The following NHSL1 variants were observed in gnomAD, a reference collection of about 807,000 sequenced individuals.
The protein encoded by NHSL1 is NHS like 1, also known as NHS-like protein 1.
NHSL1 carries 48 observed loss-of-function variants against 95.0 expected under a neutral mutation model. The observed-to-expected ratio is 0.51, with a 90% CI of 0.40 to 0.64. The LOEUF (loss-of-function observed/expected upper bound fraction) is 0.64, where lower values mean the gene tolerates loss of function less well. Ranked by LOEUF, NHSL1 falls within the 30% of genes least tolerant of loss-of-function variation. NHSL1 has a pLI of 0.00. For missense variants in NHSL1, 1,971 were observed against 2,077.7 expected, an observed-to-expected ratio of 0.95 and a Z score of 1.00; for synonymous variants, 783 against 833.9, an observed-to-expected ratio of 0.94 and a Z score of 1.05.
chr6:138,503,978 C>T (rs1780824451), upstream of NHSL1, among the ~76,000 whole-genome samples: 1 of 152,006 alleles, frequency 6.6e-6, no homozygotes, highest in South Asian at 2.1e-4. Flanking sequence ...CACCTGTAAT[C>T]CCAGAGCTTT....
At chr6:138,641,067 CCCCCCTTAGTTGAGG>C (rs1247145772) in intron 1 of NHSL1, among the ~76,000 whole-genome samples, 1 of 152,194 alleles carries the variant, frequency 6.6e-6, no homozygotes, top group Non-Finnish European at 1.5e-5. Flanking sequence ...AAGATTCTTG[CCCCCCTTAGTTGAGG>C]CAGGCAGATC....
At chr6:138,533,282 C>G (rs978476481) in intron 1 of NHSL1, among the ~76,000 whole-genome samples, 1 of 152,086 alleles carries the variant, frequency 6.6e-6, no homozygotes, top group African/African-American at 2.4e-5. Flanking sequence ...TAAAAAATTA[C>G]TGCCAGGATG....
At position 138,430,573 on chromosome 6, in the gene NHSL1, G is replaced by A. The variant is rs570490536; in HGVS notation, c.3772C>T (p.Pro1258Ser). The A allele has an allele frequency of 9.1e-5, 141 of 1,550,676 alleles. 1 individual carries two copies. In the South Asian group the frequency reaches 1.5e-3, roughly 17 times the overall value. ...CCTCCCTCAAGAACCGAGGTGCCAGGGTGCGTGGCATGAGAGCCAGCTTGG... is the reference window on the plus strand; with the variant it reads ...CCTCCCTCAAGAACCGAGGTGCCAGAGTGCGTGGCATGAGAGCCAGCTTGG... Reference protein sequence around the residue: ...AAQAGSHATHPGTSVLEGGAA... With the variant: ...AAQAGSHATHSGTSVLEGGAA... Residue 1258 changes from proline to serine, a missense_variant, in exon 6 of 8, where the codon CCT (proline) becomes TCT (serine). Pro to Ser is a moderately conservative substitution (Grantham distance 74). This residue lies in a region of NHSL1 where 1,602 missense variants were observed against 1,654.5 expected (regional missense o/e 0.97). Coordinates refer to ENST00000343505, the MANE Select transcript of NHSL1 (RefSeq NM_001144060.2). This position sits in a 1 kb window ranked among gnomAD's most constrained non-coding sequence, Gnocchi z 4.7.
intron 1 of NHSL1, among the ~76,000 whole-genome samples, chr6:138,681,184 C>A (rs542277200): frequency 1.3e-5 from 2 of 152,064 alleles, no homozygotes; most frequent in South Asian, 4.2e-4. Flanking sequence ...AACAGGATAA[C>A]CCAGAAATTG....
At chr6:138,544,096 G>GT (rs1370466818) in intron 1 of NHSL1, among the ~76,000 whole-genome samples, 2 of 152,156 alleles carry the variant, frequency 1.3e-5, no homozygotes, top group African/African-American at 4.8e-5. Flanking sequence ...GTCCTACCCA[G>GT]TAACAATTCC....
intron 1 of NHSL1, among the ~76,000 whole-genome samples, chr6:138,649,131 T>G (rs72977124): frequency 1.3e-3 from 200 of 152,108 alleles, no homozygotes; most frequent in Middle Eastern, 6.8e-3. Context: ...TTAGGGTGAG[T>G]GTCAGGCTAA....
In NHSL1 at chr6:138,422,264, A is replaced by G. The variant is rs1481280522; in HGVS notation, c.*1817T>C. On this transcript the variant is annotated 3_prime_UTR_variant, in exon 8 of 8. Coordinates refer to ENST00000343505, the MANE Select transcript of NHSL1 (RefSeq NM_001144060.2). ...ATTCAAAAGCCAATGCCACTTTTCT[A>G]AAGAAACGATCTTTGTGCCAAATTA... 1 of 152,254 alleles carries G rather than the reference A, an allele frequency of 6.6e-6. No individual in the cohort carries two copies. Among genetic ancestry groups the G allele is most frequent in the African/African-American group, 2.4e-5 (1 of 41,472 alleles). The allele number at this position is 152,254 out of a possible 1,614,324, so 9.4% of individuals were successfully genotyped here.
At chr6:138,520,280 CTTTTTTTT>C (rs397888767) in intron 1 of NHSL1, among the ~76,000 whole-genome samples, 25 of 80,942 alleles carry the variant, frequency 3.1e-4, no homozygotes, top group Non-Finnish European at 1.4e-4. Flanking sequence ...TAGTTTAATT[CTTTTTTTT>C]TTTTTTTTTT....
At chr6:138,625,798 T>G (rs1052009970) in intron 1 of NHSL1, among the ~76,000 whole-genome samples, 8 of 152,034 alleles carry the variant, frequency 5.3e-5, no homozygotes, top group Non-Finnish European at 1.0e-4. Context: ...CACACCACCA[T>G]GCCCAGCTAA....
intron 1 of NHSL1, among the ~76,000 whole-genome samples, chr6:138,512,693 G>A (rs971170847): frequency 3.9e-5 from 6 of 152,186 alleles, no homozygotes; most frequent in Non-Finnish European, 7.3e-5. Context: ...AACAAAATGT[G>A]TAGAATGTCC....
At chr6:138,617,474 A>G (rs1784595934) in intron 1 of NHSL1, among the ~76,000 whole-genome samples, 1 of 152,170 alleles carries the variant, frequency 6.6e-6, no homozygotes, top group East Asian at 1.9e-4. Flanking sequence ...CCACTAATTC[A>G]AAGGCATCAA....
chr6:138,690,360 T>C (rs1486970824), intron 1 of NHSL1, among the ~76,000 whole-genome samples: 1 of 152,154 alleles, frequency 6.6e-6, no homozygotes, highest in African/African-American at 2.4e-5. Context: ...AATTAATGTC[T>C]TGATAGTCAG....
intron 1 of NHSL1, among the ~76,000 whole-genome samples, chr6:138,624,299 C>T (rs889791015): frequency 3.3e-5 from 5 of 152,004 alleles, no homozygotes; most frequent in African/African-American, 7.2e-5. Flanking sequence ...TTCTAACAAG[C>T]GTAGGTGACA....
intron 1 of NHSL1, among the ~76,000 whole-genome samples, chr6:138,659,752 T>C (rs1334728192): frequency 1.3e-5 from 2 of 149,518 alleles, no homozygotes; most frequent in African/African-American, 5.0e-5. Flanking sequence ...AGTCTCACTC[T>C]GTCATCCAGG....
At chr6:138,648,789 T>C (rs146651682) in intron 1 of NHSL1, among the ~76,000 whole-genome samples, 4 of 152,210 alleles carry the variant, frequency 2.6e-5, no homozygotes, top group East Asian at 1.9e-4. Context: ...GAACTTATAC[T>C]GTATTCCTGG....
intron 1 of NHSL1, among the ~76,000 whole-genome samples, chr6:138,559,545 A>G (rs1783333205): frequency 6.6e-6 from 1 of 152,194 alleles, no homozygotes; most frequent in Non-Finnish European, 1.5e-5. Context: ...GAGAGGCACC[A>G]CTACTCTACA....
chr6:138,661,296 G>A (rs1377545439), intron 1 of NHSL1, among the ~76,000 whole-genome samples: 3 of 152,004 alleles, frequency 2.0e-5, no homozygotes, highest in Admixed American at 1.3e-4. Context: ...TCCCACTCCA[G>A]CCCCTGGTAA....
intron 1 of NHSL1, among the ~76,000 whole-genome samples, chr6:138,587,503 C>CAAAAA (rs35723995): frequency 1.7e-5 from 1 of 59,894 alleles, no homozygotes; most frequent in Non-Finnish European, 3.8e-5. Context: ...AAAACTCTGT[C>CAAAAA]AAAAAAAAAA....
intron 1 of NHSL1, among the ~76,000 whole-genome samples, chr6:138,650,021 C>G (rs1043697547): frequency 6.6e-6 from 1 of 152,194 alleles, no homozygotes; most frequent in Non-Finnish European, 1.5e-5. Context: ...TGGCAGGTGA[C>G]CCAATCCACT....
Sources: allele counts gnomAD v4.1 joint callset (sites outside exome capture counted in the v4.1 genomes callset), GRCh38; gene constraint gnomAD v4.1.1; regional missense constraint gnomAD v4.1.1; non-coding constraint Gnocchi (gnomAD v3.1); transcripts MANE v1.5; gene names NCBI Gene and HGNC (gene_info 2026-07-23, HGNC 2026-07-21).